CSF2RA: variants seen among roughly 807,000 people sequenced by gnomAD.
CSF2RA encodes granulocyte-macrophage colony-stimulating factor receptor subunit alpha.
Under a neutral mutation model 51.6 loss-of-function variants are expected in CSF2RA, and 42 were observed. The observed-to-expected ratio is 0.81, with a 90% confidence interval of 0.64 to 1.05. The LOEUF is 1.05. Among genes scored for constraint, CSF2RA ranks in the 50% least tolerant of loss-of-function variants. CSF2RA has a pLI of 0.00. For missense variants in CSF2RA, 530 were observed against 501.1 expected, an observed-to-expected ratio of 1.06 and a Z score of -0.55; for synonymous variants, 222 against 193.0, an observed-to-expected ratio of 1.15 and a Z score of -1.24.
intron 12 of CSF2RA, chrX:1,305,895 A>T (rs1203557563): frequency 2.0e-6 from 2 of 1,013,634 alleles, no homozygotes; most frequent in Non-Finnish European, 3.0e-6. Flanking sequence ...AGCCTGGCCA[A>T]CGTGGTGAAA....
the CSF2RA span, among the ~76,000 whole-genome samples, chrX:1,316,005 T>TGATAGATGGATAGAC: frequency 2.5e-5 from 1 of 39,564 alleles, no homozygotes. Context: ...GATAGACAGA[T>TGATAGATGGATAGAC]AGATAGATAT....
chrX:1,283,372 G>C lies in CSF2RA; in HGVS notation c.76+593G>C, dbSNP rs193268694. Among the ~76,000 whole-genome samples, 5 of 109,648 alleles carry C rather than the reference G, an allele frequency of 4.6e-5. 1 individual carries two copies. Among genetic ancestry groups the C allele is most frequent in the East Asian group, 2.5e-4 (1 of 3,936 alleles). The allele number at this position is 109,648 out of a possible 152,430, so 71.9% of individuals were successfully genotyped here. On this transcript the variant is annotated intron_variant, in intron 3 of 12. Coordinates refer to ENST00000381529, the MANE Select transcript of CSF2RA (RefSeq NM_172245.4). ...GTTTCCTTCTTTCCTTCCTTCTTCC[G>C]TCCCTCCCTTCTTTCTTTCTCTTTC...
intron 8 of CSF2RA, among the ~76,000 whole-genome samples, chrX:1,294,985 C>CCATGGA (rs2091793338): frequency 3.0e-5 from 1 of 33,312 alleles, no homozygotes; most frequent in Non-Finnish European, 7.3e-5. Flanking sequence ...ACGTCCACCT[C>CCATGGA]GATCCAGTGT....
At chrX:1,306,492 C>A (rs2083579771) in intron 12 of CSF2RA, among the ~76,000 whole-genome samples, 1 of 151,668 alleles carries the variant, frequency 6.6e-6, no homozygotes, top group South Asian at 2.1e-4. Flanking sequence ...ACTAAAATTG[C>A]AAAAATTAGC....
At chrX:1,314,250 A>ACCTGCCCAACCCCACTGCG (rs1306050959), downstream of CSF2RA, among the ~76,000 whole-genome samples, 1 of 27,100 alleles carries the variant, frequency 3.7e-5, no homozygotes, top group Non-Finnish European at 9.1e-5. Context: ...ACCCCACTGC[A>ACCTGCCCAACCCCACTGCG]CCTGCCCAAC....
intron 7 of CSF2RA, chrX:1,293,792 A>T (rs1233075122): frequency 2.4e-6 from 1 of 418,074 alleles, no homozygotes; most frequent in Admixed American, 4.2e-5. Flanking sequence ...ACCCTGCCCC[A>T]CCTCCACCTG....
intron 12 of CSF2RA, chrX:1,306,031 G>A (rs1461359625): frequency 1.2e-5 from 6 of 481,058 alleles, no homozygotes; most frequent in African/African-American, 5.9e-5. Flanking sequence ...GCAGTGAGCC[G>A]AGATCGCACC....
At chrX:1,302,139 C>G (rs1485314704) in intron 10 of CSF2RA, among the ~76,000 whole-genome samples, 10 of 151,678 alleles carry the variant, frequency 6.6e-5, no homozygotes, top group Admixed American at 1.3e-4. Context: ...TGTTCTTGAA[C>G]TCCTGACCTC....
At chrX:1,303,834 A>T (rs2083264060) in intron 10 of CSF2RA, 89 bp from the exon 11 acceptor site, 2 of 1,114,440 alleles carry the variant, frequency 1.8e-6, no homozygotes, top group Admixed American at 3.4e-5. Flanking sequence ...CCCTTTGGCT[A>T]AATGCATTTG....
chrX:1,311,813 C>T (rs182343390), downstream of CSF2RA, among the ~76,000 whole-genome samples: 227 of 152,240 alleles, frequency 1.5e-3, 2 homozygotes, highest in Middle Eastern at 0.037. Context: ...CAGACTAAGA[C>T]GAGACGGAAA....
At chrX:1,281,567 C>G (rs764061349) in intron 2 of CSF2RA, among the ~76,000 whole-genome samples, 1 of 151,818 alleles carries the variant, frequency 6.6e-6, no homozygotes, top group Non-Finnish European at 1.5e-5. Context: ...CCTCCTCCTT[C>G]TTTTTCCTTT....
chrX:1,290,592 C>T (rs763990556), intron 7 of CSF2RA, 83 bp downstream of exon 7: 19 of 1,339,510 alleles, frequency 1.4e-5, no homozygotes, highest in South Asian at 1.2e-4. Flanking sequence ...AGGCCACGTG[C>T]GGTGTCTCAC....
chrX:1,301,912 CTTTTTTTTTTTT>C (rs1158872719), intron 10 of CSF2RA, among the ~76,000 whole-genome samples: 4 of 103,626 alleles, frequency 3.9e-5, no homozygotes, highest in African/African-American at 1.6e-4. Context: ...GGCCCTCCCT[CTTTTTTTTTTTT>C]TTTTTTTTTT....
At chrX:1,284,887 G>C (rs1275756405) in intron 3 of CSF2RA, among the ~76,000 whole-genome samples, 1 of 151,780 alleles carries the variant, frequency 6.6e-6, no homozygotes, top group Non-Finnish European at 1.5e-5. Flanking sequence ...GGCTGGTCTC[G>C]AACTGCTGAC....
chrX:1,288,667 G>T (rs200058457), intron 5 of CSF2RA, 25 bp downstream of exon 5: 3 of 1,613,810 alleles, frequency 1.9e-6, no homozygotes, highest in East Asian at 2.2e-5. Context: ...TCAGGGATCC[G>T]TTTACAGCAC....
At chrX:1,314,475 T>A (rs1417385687), downstream of CSF2RA, among the ~76,000 whole-genome samples, 13 of 142,306 alleles carry the variant, frequency 9.1e-5, no homozygotes, top group East Asian at 5.0e-4. Context: ...CCAACCCCAA[T>A]GCACCTACCC....
At position 1,285,766 on chromosome X, in the gene CSF2RA, C is replaced by T. The variant is rs374715344; in HGVS notation, c.77-12C>T. On this transcript the variant is annotated splice_polypyrimidine_tract_variant and intron_variant, in intron 3 of 12. Transcript: ENST00000381529. ...AAGAGGAAATTCTGAACCCAGTGCC[C>T]GCTCCTTGCAGATCTGCGAACAGTG... The T allele has an allele frequency of 5.2e-5, 84 of 1,611,810 alleles. No homozygotes were observed. Among genetic ancestry groups the T allele is most frequent in the African/African-American group, 2.8e-4 (21 of 74,514 alleles).
intron 4 of CSF2RA, 114 bp from the exon 5 acceptor site, chrX:1,288,405 C>A: frequency 8.6e-7 from 1 of 1,159,098 alleles, no homozygotes. Flanking sequence ...TTGCTTGAAC[C>A]TGGAAGGCGG....
chrX:1,317,489 G>T, the CSF2RA span, among the ~76,000 whole-genome samples: 1 of 150,640 alleles, frequency 6.6e-6, no homozygotes. Flanking sequence ...GACCTCAGGT[G>T]ATCTGCCCGC....
Sources: allele counts gnomAD v4.1 joint callset (sites outside exome capture counted in the v4.1 genomes callset), GRCh38; gene constraint gnomAD v4.1.1; transcripts MANE v1.5; gene names NCBI Gene and HGNC (gene_info 2026-07-23, HGNC 2026-07-21).